The following ASTN2 variants were observed in gnomAD, a reference collection of about 807,000 sequenced individuals.
ASTN2 encodes the protein astrotactin 2.
Under a neutral mutation model 139.8 loss-of-function variants are expected in ASTN2, and 54 were observed. That is an observed-to-expected ratio of 0.39 (90% CI 0.31 to 0.48). The LOEUF (loss-of-function observed/expected upper bound fraction) is 0.48, where lower values mean the gene tolerates loss of function less well. Among genes scored for constraint, ASTN2 ranks in the 20% least tolerant of loss-of-function variants. The pLI is 0.95. For synonymous variants in ASTN2, 756 were observed against 719.5 expected (o/e 1.05, Z -0.81); for missense variants, 1,565 against 1,725.1 (o/e 0.91, Z 1.64).
intron 11 of ASTN2, among the ~76,000 whole-genome samples, chr9:116,851,475 T>TATCTATCTATCTACCCATCC: frequency 2.2e-5 from 1 of 45,712 alleles, no homozygotes; most frequent in African/African-American, 9.2e-5. Flanking sequence ...GCTAAACATC[T>TATCTATCTATCTACCCATCC]ATCTATCTAT....
intron 10 of ASTN2, among the ~76,000 whole-genome samples, chr9:116,971,191 T>C (rs557106510): frequency 6.6e-6 from 1 of 152,320 alleles, no homozygotes; most frequent in African/African-American, 2.4e-5. Flanking sequence ...AGATTTGCTC[T>C]TCCACCTTTG....
chr9:116,438,281 C>CT (rs1847722267), intron 22 of ASTN2, among the ~76,000 whole-genome samples: 1 of 152,210 alleles, frequency 6.6e-6, no homozygotes, highest in African/African-American at 2.4e-5. Context: ...GATCTTTCTC[C>CT]TTTAATGGTC....
chr9:116,660,163 C>T (rs978612440), intron 16 of ASTN2, among the ~76,000 whole-genome samples: 2 of 119,570 alleles, frequency 1.7e-5, no homozygotes, highest in South Asian at 3.0e-4. Flanking sequence ...GTTCATATTG[C>T]AAGCGCACAC....
At chr9:116,944,219 C>T (rs745748113) in intron 10 of ASTN2, among the ~76,000 whole-genome samples, 14 of 151,986 alleles carry the variant, frequency 9.2e-5, no homozygotes, top group Admixed American at 3.9e-4. Flanking sequence ...AAATTTAAAT[C>T]TGGGGATCCT....
chr9:116,536,280 T>G (rs1237213112), intron 19 of ASTN2, among the ~76,000 whole-genome samples: 1 of 151,848 alleles, frequency 6.6e-6, no homozygotes, highest in Admixed American at 6.6e-5. Flanking sequence ...AAGGTTTTTA[T>G]CTTCTTTGCG....
chr9:117,158,642 G>A (rs919516395), intron 3 of ASTN2, among the ~76,000 whole-genome samples: 1 of 152,032 alleles, frequency 6.6e-6, no homozygotes, highest in African/African-American at 2.4e-5. Context: ...GGCATTGGGT[G>A]AGGCCACGTC....
intron 22 of ASTN2, among the ~76,000 whole-genome samples, chr9:116,435,898 C>A (rs1847635340): frequency 6.6e-6 from 1 of 151,616 alleles, no homozygotes; most frequent in South Asian, 2.1e-4. Flanking sequence ...GAATCTCAGA[C>A]CTAACCCAGA....
chr9:116,697,297 A>C (rs1433504844), intron 16 of ASTN2: 3 of 206,610 alleles, frequency 1.5e-5, no homozygotes, highest in Non-Finnish European at 3.0e-5. Context: ...TATACTAAGC[A>C]CATCATATTT....
chr9:117,238,930 AT>A (rs1222337830), intron 2 of ASTN2, among the ~76,000 whole-genome samples: 3 of 152,248 alleles, frequency 2.0e-5, no homozygotes, highest in African/African-American at 7.2e-5. Flanking sequence ...TTACATGCAG[AT>A]ATTAAAATAT....
chr9:117,271,143 G>T (rs1201187802), intron 2 of ASTN2, among the ~76,000 whole-genome samples: 1 of 152,172 alleles, frequency 6.6e-6, no homozygotes, highest in Non-Finnish European at 1.5e-5. Context: ...GGGAAGAAAA[G>T]GAGGTTTAAT....
chr9:116,780,843 C>CT (rs35531108), intron 13 of ASTN2, among the ~76,000 whole-genome samples: 97,217 of 144,718 alleles, frequency 0.67, 33,349 homozygotes, highest in Non-Finnish European at 0.76. Flanking sequence ...ATGTCAAATT[C>CT]TTTTTTTTTT....
intron 1 of ASTN2, among the ~76,000 whole-genome samples, chr9:117,317,608 C>T (rs1324670002): frequency 6.6e-6 from 1 of 152,178 alleles, no homozygotes; most frequent in Non-Finnish European, 1.5e-5. Flanking sequence ...GGCTCATTCC[C>T]CAATCCCTAT....
At chr9:117,055,793 C>T (rs972908609) in intron 5 of ASTN2, among the ~76,000 whole-genome samples, 2 of 152,218 alleles carry the variant, frequency 1.3e-5, no homozygotes, top group African/African-American at 4.8e-5. Flanking sequence ...CCAAATTGTT[C>T]CCAATGGTCT....
At chr9:117,182,475 C>T (rs1831099781) in intron 3 of ASTN2, among the ~76,000 whole-genome samples, 1 of 152,162 alleles carries the variant, frequency 6.6e-6, no homozygotes, top group African/African-American at 2.4e-5. Flanking sequence ...AACCCTAGAG[C>T]ATGGACAGAA....
chr9:117,097,363 T>C (rs1322933839), intron 4 of ASTN2, among the ~76,000 whole-genome samples: 1 of 152,232 alleles, frequency 6.6e-6, no homozygotes, highest in Non-Finnish European at 1.5e-5. Context: ...GGGTATGTTT[T>C]ATTGTTATCT....
chr9:117,018,230 T>C (rs1837773075), intron 6 of ASTN2, among the ~76,000 whole-genome samples: 3 of 152,120 alleles, frequency 2.0e-5, no homozygotes, highest in Admixed American at 1.3e-4. Flanking sequence ...AACAAATGAA[T>C]GAGTGCACCT....
intron 10 of ASTN2, among the ~76,000 whole-genome samples, chr9:116,973,752 C>T (rs1054162440): frequency 2.0e-5 from 3 of 152,102 alleles, no homozygotes; most frequent in Non-Finnish European, 4.4e-5. Flanking sequence ...TGGTAAATAT[C>T]GATGAATCAG....
chr9:117,298,992 T>C (rs1587925167), intron 1 of ASTN2, among the ~76,000 whole-genome samples: 1 of 152,018 alleles, frequency 6.6e-6, no homozygotes, highest in African/African-American at 2.4e-5. Context: ...TCTACAGAAA[T>C]TTACCTAACA....
intron 4 of ASTN2, among the ~76,000 whole-genome samples, chr9:117,106,592 G>A (rs979752155): frequency 6.6e-6 from 1 of 152,070 alleles, no homozygotes; most frequent in Non-Finnish European, 1.5e-5. Flanking sequence ...ATTTATTGTA[G>A]AAATGTTTTC....
Sources: gnomAD v4.1 joint callset for allele counts (sites outside exome capture counted in the v4.1 genomes callset) on GRCh38, gnomAD v4.1.1 for gene constraint, MANE v1.5 for transcripts, NCBI Gene and HGNC (gene_info 2026-07-23, HGNC 2026-07-21) for gene names.